WT1: variants seen among roughly 807,000 people sequenced by gnomAD.
WT1 encodes WT1 transcription factor, also known as Wilms tumor protein.
WT1 carries 8 observed loss-of-function variants against 60.8 expected under a neutral mutation model. The observed-to-expected ratio is 0.13, with a 90% CI of 0.08 to 0.24. The LOEUF (loss-of-function observed/expected upper bound fraction) is 0.24, where lower values mean the gene tolerates loss of function less well. Among genes scored for constraint, WT1 ranks in the 10% least tolerant of loss-of-function variants. WT1 has a pLI of 1.00. For missense variants in WT1, 568 were observed against 711.8 expected, an observed-to-expected ratio of 0.80 and a Z score of 2.30; for synonymous variants, 312 against 297.1, an observed-to-expected ratio of 1.05 and a Z score of -0.52.
intron 5 of WT1, among the ~76,000 whole-genome samples, chr11:32,401,410 C>T (rs1442179863): frequency 6.6e-6 from 1 of 151,490 alleles, no homozygotes; most frequent in Non-Finnish European, 1.5e-5. Context: ...AATGGTCATA[C>T]AACTGTGAAT....
chr11:32,389,961 G>GCACA (rs141716818), intron 9 of WT1, among the ~76,000 whole-genome samples: 52 of 152,120 alleles, frequency 3.4e-4, no homozygotes, highest in African/African-American at 1.3e-3. Flanking sequence ...CTTCACACAC[G>GCACA]CACACACACA....
chr11:32,416,599 C>T, intron 4 of WT1, 59 bp from the exon 5 acceptor site: 3 of 1,594,370 alleles, frequency 1.9e-6, no homozygotes, highest in Non-Finnish European at 2.6e-6. Context: ...CTGGCAAGCC[C>T]CCCAGATCCC....
chr11:32,392,872 G>T, intron 7 of WT1, 117 bp from the exon 8 acceptor site: 1 of 852,730 alleles, frequency 1.2e-6, no homozygotes, highest in Non-Finnish European at 1.9e-6. Flanking sequence ...CTTCGCTGGA[G>T]CTTGTTAGGG....
At position 32,434,953 on chromosome 11, in the gene WT1, G is replaced by A. The variant is rs1738380928; in HGVS notation, c.408C>T (p.Pro136=). Residue 136 remains proline, a synonymous_variant, in exon 1 of 10, where the codon CCC becomes CCT. Coordinates refer to ENST00000452863, the MANE Select transcript of WT1 (RefSeq NM_024426.6). ...TGAAGGAGTGAGGCGGCGGCGGCGGGGGTGGCGGCGGAGCCGGTGGCGGCG... is the reference window on the plus strand; with the variant it reads ...TGAAGGAGTGAGGCGGCGGCGGCGGAGGTGGCGGCGGAGCCGGTGGCGGCG... 6.4e-7 allele frequency: 1 copy of A among 1,562,856 alleles called. No homozygotes were observed. The highest frequency in any genetic ancestry group is 8.6e-7 in the Non-Finnish European group (1 of 1,158,560).
intron 5 of WT1, among the ~76,000 whole-genome samples, chr11:32,414,501 C>T (rs1852602618): frequency 6.6e-6 from 1 of 152,200 alleles, no homozygotes; most frequent in Admixed American, 6.5e-5. Context: ...TCTCAAACTC[C>T]TGAGCTCAAG....
In WT1 at chr11:32,392,072, G is replaced by A. The variant is rs1851834598; in HGVS notation, c.1355-8C>T. ...ACTGGAATGGTTTCACACCTAAATG[G>A]ACAGAGAAGGTCTAGCCTCGGCCCT... On this transcript the variant is annotated splice_polypyrimidine_tract_variant and splice_region_variant and intron_variant, in intron 8 of 9. Coordinates refer to ENST00000452863, the MANE Select transcript of WT1 (RefSeq NM_024426.6). The A allele has an allele frequency of 1.2e-6, 2 of 1,613,700 alleles. No individual in the cohort carries two copies.
chr11:32,435,129 C>A lies in WT1; in HGVS notation c.232G>T (p.Val78Leu). ...GGCAGCAGCGCGTTCAGGTCCCGCA[C>A]GTCGGAGCCCATTTGCTGCGGCTCA... The change falls in exon 1 of 10, where the codon GTG becomes TTG. Residue 78 changes from valine (V) to leucine (L), a missense_variant. Val to Leu is a conservative substitution (Grantham distance 32). Transcript: ENST00000452863. The A allele has an allele frequency of 6.6e-7, 1 of 1,518,314 alleles. No homozygotes were observed. The highest frequency in any genetic ancestry group is 1.2e-5 in the South Asian group (1 of 82,332). The allele number at this position is 1,518,314 out of a possible 1,614,324, so 94.1% of individuals were successfully genotyped here.
At chr11:32,434,666 C>A in intron 1 of WT1, 34 bp downstream of exon 1, 1 of 1,612,236 alleles carries the variant, frequency 6.2e-7, no homozygotes, top group Non-Finnish European at 8.5e-7. Flanking sequence ...GCGCCACTGC[C>A]CCGCGCGTAG....
rs74889578 is a variant in WT1 at position 32,422,811 on chromosome 11, C to G, written c.887+5145G>C. On this transcript the variant is annotated intron_variant, in intron 3 of 9. Transcript: ENST00000452863. The stretch of plus-strand genomic sequence containing the variant: ...TTTCACCTGCTAACAGGCAAAAGTA[C>G]AGCAAAAGGAAATATCTTCATTTAA... Among the ~76,000 whole-genome samples the G allele has an allele frequency of 6.1e-3, 922 of 152,266 alleles. 9 individuals are homozygous for G. The highest frequency in any genetic ancestry group is 0.021 in the African/African-American group (875 of 41,528).
rs1452844956 is a variant in WT1, at chr11:32,416,514, A to G, written c.992T>C (p.Val331Ala). 6.2e-7 allele frequency: 1 copy of G among 1,613,896 alleles called. No homozygotes were observed. The highest frequency in any genetic ancestry group is 8.5e-7 in the Non-Finnish European group (1 of 1,179,990). Reference sequence around the variant, plus strand: ...CTTGCTCTGCCCTTCTGTCCATTTCACTGAGCTGGAGCTCCCAGCAGCAAC... The same window carrying G: ...CTTGCTCTGCCCTTCTGTCCATTTCGCTGAGCTGGAGCTCCCAGCAGCAAC... Residue 331 changes from valine to alanine, a missense_variant, in exon 5 of 10, where the codon GTG becomes GCG. This residue lies in a region of WT1 where 523 missense variants were observed against 565.1 expected (regional missense o/e 0.93). Transcript: ENST00000452863.
chr11:32,409,295 C>T (rs1054321435), intron 5 of WT1, among the ~76,000 whole-genome samples: 1 of 151,704 alleles, frequency 6.6e-6, no homozygotes, highest in Non-Finnish European at 1.5e-5. Flanking sequence ...TAAGCATGAT[C>T]GAAAAGTCAA....
At chr11:32,429,782 G>T (rs1011725660) in intron 1 of WT1, among the ~76,000 whole-genome samples, 1 of 151,914 alleles carries the variant, frequency 6.6e-6, no homozygotes. Flanking sequence ...ACTGCCCTGG[G>T]TCTCCAAACT....
rs2132896745 is a variant in WT1, at chr11:32,389,049, G to A, written c.*9C>T. On this transcript the variant is annotated 3_prime_UTR_variant, in exon 10 of 10. Transcript: ENST00000452863. ...CCTGGGACACTGAACGGTCCCCGAG[G>A]GAGACCCCTCAAAGCGCCAGCTGGA... The A allele has an allele frequency of 6.2e-7, 1 of 1,614,208 alleles. No homozygotes were observed. The highest frequency in any genetic ancestry group is 8.5e-7 in the Non-Finnish European group (1 of 1,180,024).
intron 7 of WT1, among the ~76,000 whole-genome samples, chr11:32,393,782 T>C (rs1851887147): frequency 6.6e-6 from 1 of 152,246 alleles, no homozygotes; most frequent in Non-Finnish European, 1.5e-5. Context: ...TTTCCCTTCC[T>C]TCCCTCATTA....
At chr11:32,418,734 C>T (rs1480316562) in intron 3 of WT1, among the ~76,000 whole-genome samples, 2 of 152,154 alleles carry the variant, frequency 1.3e-5, no homozygotes, top group East Asian at 3.9e-4. Context: ...CCAAGCATAA[C>T]TGGGAACTTG....
chr11:32,428,516 C>A lies in WT1; in HGVS notation c.765G>T (p.Met255Ile), dbSNP rs1060501255. 1 of 1,614,164 alleles carries A rather than the reference C, an allele frequency of 6.2e-7. No individual in the cohort carries two copies. Among genetic ancestry groups the A allele is most frequent in the Non-Finnish European group, 8.5e-7 (1 of 1,180,038 alleles). Residue 255 changes from methionine (M) to isoleucine (I), a missense_variant, in exon 2 of 10, where the codon ATG becomes ATT. Physicochemically the swap from Met to Ile is conservative, Grantham distance 10. Transcript: ENST00000452863. Reference sequence around the variant, plus strand: ...GCTTACCCAGCGAGCCCTGCTGGCCCATGGGATCCTCATGCTTGAATGAGT... The same window carrying A: ...GCTTACCCAGCGAGCCCTGCTGGCCAATGGGATCCTCATGCTTGAATGAGT...
At chr11:32,409,798 G>A (rs7125543) in intron 5 of WT1, among the ~76,000 whole-genome samples, 44,629 of 151,772 alleles carry the variant, frequency 0.29, 7,462 homozygotes, top group East Asian at 0.68. Flanking sequence ...CCCAGCTTCT[G>A]GCTAAAGCCA....
chr11:32,417,364 T>C (rs1182895070), intron 4 of WT1: 3 of 580,478 alleles, frequency 5.2e-6, no homozygotes, highest in South Asian at 2.1e-5. Context: ...ATATTCCTTG[T>C]TCCAGATAGA....
rs1060501257 is a variant in WT1, at chr11:32,434,761, C to T, written c.600G>A (p.Met200Ile). 1.2e-6 allele frequency: 2 copies of T among 1,612,906 alleles called. No homozygotes were observed. The highest frequency in any genetic ancestry group is 1.7e-6 in the Non-Finnish European group (2 of 1,179,918). Residue 200 changes from methionine to isoleucine, a missense_variant, in exon 1 of 10, where the codon ATG becomes ATA. Met to Ile is a conservative substitution (Grantham distance 10). Coordinates refer to ENST00000452863, the MANE Select transcript of WT1 (RefSeq NM_024426.6). ...TGGGCAGGTAGGGCGCGTTAGGAAA[C>T]ATCCTGGCCTGGCCGGATGACGCCT...
Sources: allele counts gnomAD v4.1 joint callset (sites outside exome capture counted in the v4.1 genomes callset), GRCh38; gene constraint gnomAD v4.1.1; regional missense constraint gnomAD v4.1.1; transcripts MANE v1.5; gene names NCBI Gene and HGNC (gene_info 2026-07-23, HGNC 2026-07-21).